Variants in MAD2L2 observed in about 807,000 individuals in gnomAD.
The protein encoded by MAD2L2 is mitotic arrest deficient 2 like 2.
A neutral mutation model predicts 30.5 loss-of-function variants in MAD2L2; 17 were observed. The ratio of observed to expected loss-of-function variants is 0.56; its 90% CI spans 0.38 to 0.84. MAD2L2 has a LOEUF of 0.84. Among genes scored for constraint, MAD2L2 ranks in the 40% least tolerant of loss-of-function variants. The pLI, the probability that MAD2L2 is intolerant of heterozygous loss-of-function variation, is 0.00. For missense variants in MAD2L2, 213 were observed against 277.4 expected (o/e 0.77, Z 1.65); for synonymous variants, 101 against 113.9 (o/e 0.89, Z 0.72).
At chr1:11,678,148 C>G (rs908183003) in intron 3 of MAD2L2, among the ~76,000 whole-genome samples, 1 of 151,142 alleles carries the variant, frequency 6.6e-6, no homozygotes, top group Non-Finnish European at 1.5e-5. Context: ...GGCACAGTGG[C>G]TCACTCCTCT....
At chr1:11,677,262 G>A (rs557291749) in intron 4 of MAD2L2, 10 of 595,918 alleles carry the variant, frequency 1.7e-5, no homozygotes, top group East Asian at 2.8e-5. Flanking sequence ...AACAGGGGAC[G>A]GATGTGAGAA....
chr1:11,683,013 T>C (rs980951636), upstream of MAD2L2, among the ~76,000 whole-genome samples: 2 of 152,216 alleles, frequency 1.3e-5, no homozygotes, highest in African/African-American at 4.8e-5. Context: ...AGCAAGGGTC[T>C]TTCCTTTCCC....
Position 11,680,342 on chromosome 1 carries a change from A to G in MAD2L2, c.159+11T>C, listed in dbSNP as rs1391984844. The G allele has an allele frequency of 3.1e-6, 5 of 1,608,974 alleles. No individual in the cohort carries two copies. Among genetic ancestry groups the G allele is most frequent in the Non-Finnish European group, 3.4e-6 (4 of 1,175,934 alleles). ...CCTGTACCCACTCTGTGGTTCTGGGACGTGCCTCACCTGGACCGGCACGTT... is the reference window on the plus strand; with the variant it reads ...CCTGTACCCACTCTGTGGTTCTGGGGCGTGCCTCACCTGGACCGGCACGTT... On this transcript the variant is annotated intron_variant, in intron 3 of 8. Coordinates refer to ENST00000376692, the MANE Select transcript of MAD2L2 (RefSeq NM_006341.4).
In MAD2L2 at chr1:11,675,643, C is replaced by T. The variant is rs748746173; in HGVS notation, c.501+15G>A. The T allele has an allele frequency of 1.9e-6, 3 of 1,613,224 alleles. No homozygotes were observed. The South Asian group carries it at 3.3e-5, about 18-fold the overall frequency. ...TCTAGAGCCTGCGCCCAGACCCAGA[C>T]CCATCTCATCTCACCTTGATGACCT... On this transcript the variant is annotated intron_variant, in intron 7 of 8. Coordinates refer to ENST00000376692, the MANE Select transcript of MAD2L2 (RefSeq NM_006341.4).
intron 1 of MAD2L2, among the ~76,000 whole-genome samples, chr1:11,689,317 G>GAAAAAAAAAC (rs1641020216): frequency 7.8e-6 from 1 of 127,768 alleles, no homozygotes; most frequent in African/African-American, 2.9e-5. Context: ...AAAAAAAAAG[G>GAAAAAAAAAC]CTGGGTGCTG....
upstream of MAD2L2, chr1:11,681,649 C>G (rs1477017189): frequency 6.6e-6 from 1 of 152,282 alleles, no homozygotes; most frequent in Non-Finnish European, 1.5e-5. Context: ...CGCCCCTGCT[C>G]CGCCCCCACC....
chr1:11,678,069 A>C (rs1247978002), intron 3 of MAD2L2, among the ~76,000 whole-genome samples: 2 of 150,904 alleles, frequency 1.3e-5, no homozygotes, highest in African/African-American at 2.4e-5. Context: ...AAAAAAAAAA[A>C]AAAACCAGAG....
At position 11,687,785 on chromosome 1, in the gene MAD2L2, A is replaced by G. The variant is rs1640984318; in HGVS notation, c.-692+3628T>C. 6.6e-6 allele frequency among the ~76,000 whole-genome samples: 1 copy of G among 152,244 alleles called. No individual in the cohort carries two copies. The highest frequency in any genetic ancestry group is 6.5e-5 in the Admixed American group (1 of 15,280). On this transcript the variant is annotated intron_variant, in intron 1 of 10. Coordinates refer to the MAD2L2 transcript ENST00000235310. The surrounding 1 kb of genome is among the most constrained non-coding windows in gnomAD (Gnocchi z 4.1). ...ATGTTTTCAAGATTCATCCAGGTCG[A>G]ATCACATATTGATACTTCATTCCTT...
At chr1:11,685,378 T>G (rs9430206), upstream of MAD2L2, among the ~76,000 whole-genome samples, 5,635 of 152,252 alleles carry the variant, frequency 0.037, 333 homozygotes, top group African/African-American at 0.13. Flanking sequence ...ACACGTCGAC[T>G]TCAGTGCCCG....
rs1245177824 is a variant in MAD2L2, at chr1:11,676,811, G to A, written c.332+37C>T. On this transcript the variant is annotated intron_variant, in intron 5 of 8. Transcript: ENST00000376692. The stretch of plus-strand genomic sequence containing the variant: ...TGGGTGTGTTGCCAGAGACACACCT[G>A]ATGCCAGCTAGTGGGCGAGGGGCAG... 4 of 1,539,134 alleles carry A rather than the reference G, an allele frequency of 2.6e-6. No homozygotes were observed. The South Asian group carries it at 3.3e-5, about 13-fold the overall frequency.
chr1:11,677,903 C>A (rs1323407359), intron 3 of MAD2L2, among the ~76,000 whole-genome samples: 1 of 151,356 alleles, frequency 6.6e-6, no homozygotes. Context: ...ACTAAAAATA[C>A]AAAAATTAGC....
At position 11,690,655 on chromosome 1, in the gene MAD2L2, G is replaced by A. The variant is rs1471875207; in HGVS notation, c.-692+758C>T. 6.6e-6 allele frequency among the ~76,000 whole-genome samples: 1 copy of A among 152,210 alleles called. No homozygotes were observed. Among genetic ancestry groups the A allele is most frequent in the Admixed American group, 6.5e-5 (1 of 15,286 alleles). ...ATGGAAGCCACCTGGCGAGCTCAGG[G>A]CGCCAGGTGGGAGCGCTGCTTCCCA... is the stretch of plus-strand genomic sequence containing the variant. On this transcript the variant is annotated intron_variant, in intron 1 of 10. Coordinates refer to the MAD2L2 transcript ENST00000235310. The surrounding 1 kb of genome is among the most constrained non-coding windows in gnomAD (Gnocchi z 4.2).
upstream of MAD2L2, among the ~76,000 whole-genome samples, chr1:11,682,677 A>G (rs943659427): frequency 1.3e-5 from 2 of 151,884 alleles, no homozygotes; most frequent in South Asian, 4.2e-4. Flanking sequence ...TGGCCCTTTA[A>G]CAAGCTCCCC....
chr1:11,676,210 G>A, intron 5 of MAD2L2, 70 bp from the exon 6 acceptor site: 2 of 1,023,634 alleles, frequency 2.0e-6, no homozygotes, highest in Non-Finnish European at 2.9e-6. Context: ...AAGCCTGGAT[G>A]CAGACCTGGG....
At chr1:11,684,155 C>T (rs34873013), upstream of MAD2L2, among the ~76,000 whole-genome samples, 24,345 of 151,780 alleles carry the variant, frequency 0.16, 2,305 homozygotes, top group South Asian at 0.21. Context: ...CCTCTGATGG[C>T]CTCAGGTTCC....
chr1:11,680,582 T>C lies in MAD2L2; in HGVS notation c.20A>G (p.Gln7Arg), dbSNP rs766076473. The part of the protein sequence containing the change: MTTLTR[Q>R]DLNFGQVVAD... Reference sequence around the variant, plus strand: ...CCTACCTTGGCCAAAGTTGAGGTCTTGTCGTGTGAGCGTGGTCATCCTTCC... The same window carrying C: ...CCTACCTTGGCCAAAGTTGAGGTCTCGTCGTGTGAGCGTGGTCATCCTTCC... The change falls in exon 2 of 9, where the codon CAA (glutamine) becomes CGA (arginine). Residue 7 changes from glutamine to arginine, a missense_variant. Transcript: ENST00000376692. The C allele has an allele frequency of 6.3e-7, 1 of 1,587,236 alleles. No individual in the cohort carries two copies. The highest frequency in any genetic ancestry group is 8.6e-7 in the Non-Finnish European group (1 of 1,164,010).
intron 4 of MAD2L2, 105 bp downstream of exon 4, chr1:11,677,438 C>T (rs1304614395): frequency 1.8e-6 from 2 of 1,110,208 alleles, no homozygotes; most frequent in South Asian, 1.3e-5. Flanking sequence ...GCCATGAAGA[C>T]CCCACAGAGT....
chr1:11,684,649 GAAGTTTCCAGACCCCAGA>G (rs1640929248), upstream of MAD2L2, among the ~76,000 whole-genome samples: 1 of 152,138 alleles, frequency 6.6e-6, no homozygotes, highest in African/African-American at 2.4e-5. Context: ...ACCGGGCAAT[GAAGTTTCCAGACCCCAGA>G]AATGATTCCA....
At position 11,690,288 on chromosome 1, in the gene MAD2L2, A is replaced by G. The variant is rs1641037061; in HGVS notation, c.-692+1125T>C. Among the ~76,000 whole-genome samples the G allele has an allele frequency of 6.6e-6, 1 of 152,114 alleles. No individual in the cohort carries two copies. Among genetic ancestry groups the G allele is most frequent in the African/African-American group, 2.4e-5 (1 of 41,424 alleles). ...TGTTCAATAGGTATTTATGGGATGG[A>G]TGACTCAAACCTTTCAGTGAATAAA... is the stretch of plus-strand genomic sequence containing the variant. On this transcript the variant is annotated intron_variant, in intron 1 of 10. Coordinates refer to the MAD2L2 transcript ENST00000235310. This position sits in a 1 kb window ranked among gnomAD's most constrained non-coding sequence, Gnocchi z 4.2.
Sources: gnomAD v4.1 joint callset for allele counts (sites outside exome capture counted in the v4.1 genomes callset) on GRCh38, gnomAD v4.1.1 for gene constraint, Gnocchi (gnomAD v3.1) non-coding constraint, MANE v1.5 for transcripts, NCBI Gene and HGNC (gene_info 2026-07-23, HGNC 2026-07-21) for gene names.